SV2B: variants seen among roughly 807,000 people sequenced by gnomAD.
The protein encoded by SV2B is solute carrier family 22 member B2.
A neutral mutation model predicts 73.9 loss-of-function variants in SV2B; 41 were observed. The ratio of observed to expected loss-of-function variants is 0.56; its 90% confidence interval spans 0.43 to 0.72. The LOEUF is 0.72. Among genes scored for constraint, SV2B ranks in the 30% least tolerant of loss-of-function variants. SV2B has a pLI of 0.00. For missense variants in SV2B, 764 were observed against 857.8 expected (o/e 0.89, Z 1.37); for synonymous variants, 314 against 314.2 (o/e 1.00, Z 0.01).
At chr15:91,164,428 G>T (rs1218410242) in intron 1 of SV2B, among the ~76,000 whole-genome samples, 1 of 152,172 alleles carries the variant, frequency 6.6e-6, no homozygotes, top group Non-Finnish European at 1.5e-5. Flanking sequence ...CTACCTTTAA[G>T]CCAGAATACT....
At chr15:91,263,227 CACAG>C (rs750021623) in intron 6 of SV2B, among the ~76,000 whole-genome samples, 22 of 120,412 alleles carry the variant, frequency 1.8e-4, no homozygotes, top group East Asian at 4.0e-4. Flanking sequence ...AACACAGACA[CACAG>C]ACAGAGACAA....
At chr15:91,217,012 T>C (rs1382106096) in intron 1 of SV2B, among the ~76,000 whole-genome samples, 1 of 151,390 alleles carries the variant, frequency 6.6e-6, no homozygotes, top group Admixed American at 6.6e-5. Flanking sequence ...CTCAGCATCC[T>C]GAATAGCTGG....
intron 1 of SV2B, among the ~76,000 whole-genome samples, chr15:91,181,764 T>C (rs1407389936): frequency 6.7e-6 from 1 of 149,586 alleles, no homozygotes; most frequent in Non-Finnish European, 1.5e-5. Flanking sequence ...TCGTCACATG[T>C]CACTTCTTTC....
At chr15:91,191,892 T>TTTTATAAAG (rs1337718186) in intron 1 of SV2B, among the ~76,000 whole-genome samples, 1 of 152,216 alleles carries the variant, frequency 6.6e-6, no homozygotes, top group Non-Finnish European at 1.5e-5. Flanking sequence ...TTTACACATC[T>TTTTATAAAG]TTTATAAAGA....
intron 1 of SV2B, among the ~76,000 whole-genome samples, chr15:91,163,269 G>A (rs534811112): frequency 1.3e-5 from 2 of 152,348 alleles, no homozygotes; most frequent in East Asian, 1.9e-4. Flanking sequence ...AACCCTTTGG[G>A]TGTGTACCCA....
In SV2B at chr15:91,283,801, G is replaced by A. The variant is rs932718275; in HGVS notation, c.1508-220G>A. Among the ~76,000 whole-genome samples the A allele has an allele frequency of 1.3e-5, 2 of 151,706 alleles. No individual in the cohort carries two copies. The highest frequency in any genetic ancestry group is 4.9e-5 in the African/African-American group (2 of 41,174). ...CTCAATGTTAGTTTAATTTCCCCTTGCTTTTAGGAACTTGAACAGGTCATT... is the reference window on the plus strand; with the variant it reads ...CTCAATGTTAGTTTAATTTCCCCTTACTTTTAGGAACTTGAACAGGTCATT... On this transcript the variant is annotated intron_variant, in intron 10 of 12. Coordinates refer to ENST00000394232, the MANE Select transcript of SV2B (RefSeq NM_001323032.3). The surrounding 1 kb of genome is among the most constrained non-coding windows in gnomAD (Gnocchi z 4.3).
intron 1 of SV2B, among the ~76,000 whole-genome samples, chr15:91,109,881 G>A (rs2520606): frequency 0.11 from 16,227 of 152,044 alleles, 971 homozygotes; most frequent in East Asian, 0.18. Context: ...AATTATAGGC[G>A]TGTCCCACCA....
At chr15:91,176,860 T>C (rs189721274) in intron 1 of SV2B, among the ~76,000 whole-genome samples, 3,831 of 152,146 alleles carry the variant, frequency 0.025, 80 homozygotes, top group Non-Finnish European at 0.039. Flanking sequence ...ACTCTGATGG[T>C]AGTTTCTTTT....
At chr15:91,120,391 G>A (rs540164760) in intron 1 of SV2B, among the ~76,000 whole-genome samples, 14 of 152,290 alleles carry the variant, frequency 9.2e-5, no homozygotes, top group Admixed American at 3.3e-4. Context: ...ATCTGCCTCC[G>A]TAATCTCATC....
intron 4 of SV2B, among the ~76,000 whole-genome samples, chr15:91,254,252 T>C (rs1250982023): frequency 5.5e-5 from 8 of 144,346 alleles, no homozygotes; most frequent in Admixed American, 1.3e-4. Context: ...TTTTTTTTTT[T>C]CTGAGACAGA....
intron 1 of SV2B, among the ~76,000 whole-genome samples, chr15:91,216,831 G>C (rs913407437): frequency 6.6e-6 from 1 of 151,482 alleles, no homozygotes; most frequent in Admixed American, 6.6e-5. Context: ...ATTCAAGGCA[G>C]GGACATTCTG....
intron 1 of SV2B, among the ~76,000 whole-genome samples, chr15:91,125,267 T>C (rs1165970698): frequency 6.6e-6 from 1 of 152,220 alleles, no homozygotes; most frequent in East Asian, 1.9e-4. Context: ...CTTCAGCACA[T>C]GAATTTTGAG....
In SV2B at chr15:91,223,787, G is replaced by A. The variant is rs1264015152; in HGVS notation, c.-391-2086G>A. Among the ~76,000 whole-genome samples, 1 of 152,176 alleles carries A rather than the reference G, an allele frequency of 6.6e-6. No individual in the cohort carries two copies. Among genetic ancestry groups the A allele is most frequent in the Non-Finnish European group, 1.5e-5 (1 of 68,024 alleles). ...TATTTACTGGAGATGGTGAAAAATC[G>A]GAAAGAGTAGAGTGCGAATCATTTC... On this transcript the variant is annotated intron_variant, in intron 1 of 12. Coordinates refer to ENST00000394232, the MANE Select transcript of SV2B (RefSeq NM_001323032.3). This position sits in a 1 kb window ranked among gnomAD's most constrained non-coding sequence, Gnocchi z 4.6.
Position 91,123,381 on chromosome 15 carries a change from G to A in SV2B, c.-392+23018G>A, listed in dbSNP as rs145071881. ...GTTTAGCTTGGTTTAGCCATTCCAC[G>A]ATGTATTCATATTTGAAAACAACAT... On this transcript the variant is annotated intron_variant, in intron 1 of 12. Transcript: ENST00000394232. The surrounding 1 kb of genome is among the most constrained non-coding windows in gnomAD (Gnocchi z 4.7). Among the ~76,000 whole-genome samples the A allele has an allele frequency of 3.1e-3, 470 of 152,216 alleles. 2 individuals carry two copies. Among genetic ancestry groups the A allele is most frequent in the African/African-American group, 0.011 (456 of 41,526 alleles).
chr15:91,196,874 G>C (rs1040630252), intron 1 of SV2B, among the ~76,000 whole-genome samples: 1 of 152,184 alleles, frequency 6.6e-6, no homozygotes, highest in Non-Finnish European at 1.5e-5. Context: ...TGAGGTTCTC[G>C]CCAAGCAGGG....
intron 2 of SV2B, among the ~76,000 whole-genome samples, chr15:91,248,240 G>T (rs998880532): frequency 6.6e-5 from 10 of 152,110 alleles, no homozygotes; most frequent in African/African-American, 1.7e-4. Context: ...AGGATGGCGT[G>T]AACCCGGGAG....
At chr15:91,266,935 G>A (rs957523536) in intron 7 of SV2B, 4 of 368,608 alleles carry the variant, frequency 1.1e-5, no homozygotes, top group Non-Finnish European at 1.5e-5. Flanking sequence ...CCAAGGCAGG[G>A]ATTTTGAATG....
chr15:91,121,875 C>A lies in SV2B; in HGVS notation c.-392+21512C>A, dbSNP rs1002424450. Among the ~76,000 whole-genome samples the A allele has an allele frequency of 6.6e-6, 1 of 151,478 alleles. No homozygotes were observed. Among genetic ancestry groups the A allele is most frequent in the Non-Finnish European group, 1.5e-5 (1 of 67,922 alleles). ...CTGCAAGCTCTGCCTTCTGGGTTCA[C>A]GCCATTCTCCTGCCTCAGCCTCCCG... On this transcript the variant is annotated intron_variant, in intron 1 of 12. Transcript: ENST00000394232. The surrounding 1 kb of genome is among the most constrained non-coding windows in gnomAD (Gnocchi z 4.4).
At chr15:91,191,839 A>G (rs930786751) in intron 1 of SV2B, among the ~76,000 whole-genome samples, 11 of 152,224 alleles carry the variant, frequency 7.2e-5, no homozygotes, top group Admixed American at 2.0e-4. Context: ...TAGTTATTAC[A>G]TTAGTATTTA....
Sources: allele counts gnomAD v4.1 joint callset (sites outside exome capture counted in the v4.1 genomes callset), GRCh38; gene constraint gnomAD v4.1.1; non-coding constraint Gnocchi (gnomAD v3.1); transcripts MANE v1.5; gene names NCBI Gene and HGNC (gene_info 2026-07-23, HGNC 2026-07-21).